The following MTUS2 variants were observed in gnomAD, a reference collection of about 807,000 sequenced individuals.
MTUS2 encodes the protein microtubule-associated tumor suppressor candidate 2.
MTUS2 carries 40 observed loss-of-function variants against 114.1 expected under a neutral mutation model. The observed-to-expected ratio is 0.35, with a 90% CI of 0.27 to 0.46. The LOEUF (loss-of-function observed/expected upper bound fraction) is 0.46. Among genes scored for constraint, MTUS2 ranks in the 20% least tolerant of loss-of-function variants. The probability of loss-of-function intolerance (pLI) is 1.00; values close to 1 mark genes in which losing one functional copy is unlikely to be tolerated. For synonymous variants in MTUS2, 688 were observed against 672.0 expected (o/e 1.02, Z -0.37); for missense variants, 1,679 against 1,705.4 (o/e 0.98, Z 0.27).
chr13:29,124,823 G>C (rs1022361751), intron 5 of MTUS2, among the ~76,000 whole-genome samples: 1 of 152,296 alleles, frequency 6.6e-6, no homozygotes, highest in East Asian at 1.9e-4. Flanking sequence ...AGTGAAATAA[G>C]CCAGACACAA....
intron 8 of MTUS2, among the ~76,000 whole-genome samples, chr13:29,367,942 C>G (rs1193121665): frequency 1.3e-4 from 17 of 134,590 alleles, no homozygotes; most frequent in African/African-American, 4.8e-4. Flanking sequence ...GAATCTACTT[C>G]TTTTTTTTTT....
intron 5 of MTUS2, among the ~76,000 whole-genome samples, chr13:29,235,784 G>T (rs1233689417): frequency 1.3e-5 from 2 of 152,030 alleles, no homozygotes; most frequent in African/African-American, 4.8e-5. Context: ...TGTACTGTTG[G>T]ACTAGGTTAT....
chr13:29,319,853 TAA>T (rs34256538), intron 6 of MTUS2, among the ~76,000 whole-genome samples: 52,094 of 150,120 alleles, frequency 0.35, 8,906 homozygotes, highest in African/African-American at 0.38. Context: ...TCAAGAAAGC[TAA>T]AAAAAAAATA....
At chr13:29,438,314 A>G (rs1159995678) in intron 8 of MTUS2, among the ~76,000 whole-genome samples, 1 of 152,164 alleles carries the variant, frequency 6.6e-6, no homozygotes, top group East Asian at 1.9e-4. Context: ...TTCAGAAATG[A>G]GATGGGAGGT....
Position 29,026,774 on chromosome 13 carries a change from T to C in MTUS2, c.2076T>C (p.Ser692=). Residue 692 remains serine (S), a synonymous_variant, in exon 3 of 16, where the codon TCT becomes TCC. Coordinates refer to ENST00000612955, the MANE Select transcript of MTUS2 (RefSeq NM_001033602.4). The part of the protein sequence containing the change: ...EKAAGGDLKP[S]ANLYEKFKPD... ...CAGCAGGTGGTGACCTGAAGCCATCTGCCAACCTCTATGAGAAATTCAAGC... is the reference window on the plus strand; with the variant it reads ...CAGCAGGTGGTGACCTGAAGCCATCCGCCAACCTCTATGAGAAATTCAAGC... 1 of 1,613,888 alleles carries C rather than the reference T, an allele frequency of 6.2e-7. No individual in the cohort carries two copies. The highest frequency in any genetic ancestry group is 8.5e-7 in the Non-Finnish European group (1 of 1,179,896).
At chr13:28,944,302 C>T (rs1218708242) in intron 2 of MTUS2, among the ~76,000 whole-genome samples, 3 of 152,070 alleles carry the variant, frequency 2.0e-5, no homozygotes, top group Admixed American at 6.6e-5. Flanking sequence ...ACTGATCTAT[C>T]GAATACCAGG....
chr13:29,219,729 G>A (rs1369613402), intron 5 of MTUS2, among the ~76,000 whole-genome samples: 6 of 152,164 alleles, frequency 3.9e-5, no homozygotes, highest in South Asian at 2.1e-4. Flanking sequence ...ACTTTCTGCC[G>A]CTTTTCCATC....
Position 29,362,743 on chromosome 13 carries a change from G to T in MTUS2, c.3117+3270G>T, listed in dbSNP as rs552741196. ...AATTTTCTAGTATAGCTCTTCAGTT[G>T]CTGCTATATATTTTTACCTGAATAT... On this transcript the variant is annotated intron_variant, in intron 8 of 15. Coordinates refer to ENST00000612955, the MANE Select transcript of MTUS2 (RefSeq NM_001033602.4). 5.5e-3 allele frequency among the ~76,000 whole-genome samples: 837 copies of T among 152,252 alleles called. 6 individuals are homozygous for T. The highest frequency in any genetic ancestry group is 0.012 in the South Asian group (60 of 4,816).
At chr13:29,049,187 A>T (rs939354287) in intron 4 of MTUS2, among the ~76,000 whole-genome samples, 5 of 152,218 alleles carry the variant, frequency 3.3e-5, no homozygotes, top group African/African-American at 9.6e-5. Flanking sequence ...ATGGAAGACA[A>T]GGTGAATTTA....
rs2139040516 is a variant in MTUS2 at position 29,505,010 on chromosome 13, C to CA, written c.*1806dup. The CA allele has an allele frequency of 8.6e-6, 2 of 232,770 alleles. No individual in the cohort carries two copies. Among genetic ancestry groups the CA allele is most frequent in the South Asian group, 3.6e-4 (2 of 5,526 alleles). The allele number at this position is 232,770 out of a possible 1,614,324, so 14.4% of individuals were successfully genotyped here. On this transcript the variant is annotated 3_prime_UTR_variant, in exon 16 of 16. Transcript: ENST00000612955. ...TCCGGGCCTCAGGTGCATCTCCAGC[C>CA]AACCTCCAAGGGTCTTGCTCCTTCT... is the stretch of plus-strand genomic sequence containing the variant.
chr13:29,049,118 T>C (rs1887770414), intron 4 of MTUS2, among the ~76,000 whole-genome samples: 1 of 152,224 alleles, frequency 6.6e-6, no homozygotes, highest in Non-Finnish European at 1.5e-5. Context: ...AATGGTGCCA[T>C]TTAGGCTGAA....
chr13:29,328,316 T>C (rs1900615893), intron 7 of MTUS2, among the ~76,000 whole-genome samples: 1 of 152,254 alleles, frequency 6.6e-6, no homozygotes, highest in Non-Finnish European at 1.5e-5. Flanking sequence ...CCTGATAAAG[T>C]GTGCCTGAAG....
intron 8 of MTUS2, among the ~76,000 whole-genome samples, chr13:29,387,425 G>A (rs1341401916): frequency 1.3e-5 from 2 of 152,138 alleles, no homozygotes; most frequent in South Asian, 2.1e-4. Context: ...GACTAGGCAG[G>A]GGCATAACAG....
intron 5 of MTUS2, among the ~76,000 whole-genome samples, chr13:29,199,519 C>G (rs768441255): frequency 6.6e-6 from 1 of 152,186 alleles, no homozygotes; most frequent in Non-Finnish European, 1.5e-5. Flanking sequence ...TTGAACCAGC[C>G]TTGCATCCCA....
intron 5 of MTUS2, among the ~76,000 whole-genome samples, chr13:29,118,619 G>C (rs1327965976): frequency 6.6e-6 from 1 of 152,220 alleles, no homozygotes; most frequent in African/African-American, 2.4e-5. Flanking sequence ...TCTGTTAGCA[G>C]TGTGTAGGTA....
At chr13:28,934,283 G>GT (rs1881775243) in intron 2 of MTUS2, among the ~76,000 whole-genome samples, 1 of 152,094 alleles carries the variant, frequency 6.6e-6, no homozygotes, top group South Asian at 2.1e-4. Flanking sequence ...GTTTTCATAT[G>GT]TTTCCTTCTT....
chr13:29,236,523 G>A (rs1896541162), intron 5 of MTUS2, among the ~76,000 whole-genome samples: 1 of 152,212 alleles, frequency 6.6e-6, no homozygotes, highest in South Asian at 2.1e-4. Context: ...AGCTTGTGGT[G>A]AAAGGCAACC....
At chr13:28,935,189 A>C (rs1449905799) in intron 2 of MTUS2, among the ~76,000 whole-genome samples, 3 of 151,934 alleles carry the variant, frequency 2.0e-5, no homozygotes, top group Admixed American at 6.6e-5. Flanking sequence ...CCCACACTTT[A>C]TCCATTCTAC....
At chr13:29,136,712 A>G (rs1429234063) in intron 5 of MTUS2, among the ~76,000 whole-genome samples, 4 of 152,158 alleles carry the variant, frequency 2.6e-5, no homozygotes, top group Non-Finnish European at 5.9e-5. Flanking sequence ...ACCTCACCCT[A>G]TACATCTCTT....
Sources: allele counts gnomAD v4.1 joint callset (sites outside exome capture counted in the v4.1 genomes callset), GRCh38; gene constraint gnomAD v4.1.1; transcripts MANE v1.5; gene names NCBI Gene and HGNC (gene_info 2026-07-23, HGNC 2026-07-21).